The following PTPRT variants were observed in gnomAD, a reference collection of about 807,000 sequenced individuals.
The protein encoded by PTPRT is receptor-type tyrosine-protein phosphatase T.
A neutral mutation model predicts 176.8 loss-of-function variants in PTPRT; 56 were observed. The ratio of observed to expected loss-of-function variants is 0.32; its 90% confidence interval spans 0.26 to 0.40. The LOEUF (loss-of-function observed/expected upper bound fraction) is 0.40. PTPRT is among the 10% of genes least tolerant of loss of function. PTPRT has a pLI of 1.00. For synonymous variants in PTPRT, 783 were observed against 739.0 expected (o/e 1.06, Z -0.96); for missense variants, 1,540 against 1,908.2 (o/e 0.81, Z 3.60).
At chr20:43,165,011 G>T (rs1401645631) in intron 1 of PTPRT, among the ~76,000 whole-genome samples, 1 of 152,114 alleles carries the variant, frequency 6.6e-6, no homozygotes, top group Non-Finnish European at 1.5e-5. Flanking sequence ...TTGAATTGTA[G>T]CTCTCATAAT....
intron 6 of PTPRT, 118 bp from the exon 7 acceptor site, chr20:42,678,277 A>C: frequency 1.1e-6 from 1 of 914,050 alleles, no homozygotes; most frequent in Non-Finnish European, 1.6e-6. Flanking sequence ...ATAGTCAGAA[A>C]CCCCTTTTTG....
chr20:42,055,067 C>T, the PTPRT span, among the ~76,000 whole-genome samples: 1 of 152,104 alleles, frequency 6.6e-6, no homozygotes, highest in Non-Finnish European at 1.5e-5. Context: ...GCACATGTAC[C>T]CTAAAACTTA....
intron 5 of PTPRT, among the ~76,000 whole-genome samples, chr20:42,763,899 G>A (rs780238861): frequency 1.3e-5 from 2 of 152,086 alleles, no homozygotes; most frequent in Non-Finnish European, 2.9e-5. Flanking sequence ...GAGGGACCTG[G>A]CATAAGTCCC....
intron 7 of PTPRT, among the ~76,000 whole-genome samples, chr20:42,595,461 C>A (rs1341303113): frequency 6.6e-6 from 1 of 152,046 alleles, no homozygotes; most frequent in Non-Finnish European, 1.5e-5. Context: ...GAGAGGGTAG[C>A]AAAATGGCCC....
chr20:42,806,214 G>A (rs888047249), intron 2 of PTPRT, among the ~76,000 whole-genome samples: 4 of 151,982 alleles, frequency 2.6e-5, no homozygotes, highest in East Asian at 1.9e-4. Flanking sequence ...GGCCAGGTGC[G>A]GTAGCTCACC....
intron 2 of PTPRT, among the ~76,000 whole-genome samples, chr20:42,827,461 A>G (rs750615325): frequency 3.3e-5 from 5 of 152,194 alleles, no homozygotes; most frequent in Admixed American, 6.5e-5. Context: ...GTTTTGGATA[A>G]AAAAAAGAAA....
At chr20:42,526,956 CTTTTTTTTTTTTTTTTT>C (rs915511549) in intron 7 of PTPRT, among the ~76,000 whole-genome samples, 1 of 78,714 alleles carries the variant, frequency 1.3e-5, no homozygotes, top group Non-Finnish European at 2.3e-5. Flanking sequence ...GTTCTTTTTT[CTTTTTTTTTTTTTTTTT>C]TTTTTTTTGA....
chr20:42,599,075 A>C (rs2073728445), intron 7 of PTPRT, among the ~76,000 whole-genome samples: 1 of 152,178 alleles, frequency 6.6e-6, no homozygotes, highest in Non-Finnish European at 1.5e-5. Context: ...TAGGAGTAAG[A>C]TATTGAGGAC....
At chr20:42,931,071 G>C (rs1442968286) in intron 1 of PTPRT, among the ~76,000 whole-genome samples, 1 of 152,104 alleles carries the variant, frequency 6.6e-6, no homozygotes, top group Non-Finnish European at 1.5e-5. Context: ...CATTAACTTT[G>C]GGTGCCAAGC....
intron 11 of PTPRT, among the ~76,000 whole-genome samples, chr20:42,331,033 T>C (rs2057958004): frequency 2.0e-5 from 3 of 152,212 alleles, no homozygotes; most frequent in South Asian, 4.1e-4. Flanking sequence ...GGTTTTTGTT[T>C]TGTTTTGTTT....
Position 42,770,659 on chromosome 20 carries a change from C to T in PTPRT, c.684+776G>A, listed in dbSNP as rs573495340. Among the ~76,000 whole-genome samples the T allele has an allele frequency of 6.6e-5, 10 of 152,292 alleles. No homozygotes were observed. In the South Asian group the frequency reaches 1.9e-3, roughly 28 times the overall value. On this transcript the variant is annotated intron_variant, in intron 5 of 30. Transcript: ENST00000373187. ...TGAAAAATTCCCATAAAAAGCGACT[C>T]TCTAATTTTACCCAGAAGTACCAGT...
At chr20:42,952,277 A>G (rs1369931395) in intron 1 of PTPRT, among the ~76,000 whole-genome samples, 1 of 152,238 alleles carries the variant, frequency 6.6e-6, no homozygotes, top group Non-Finnish European at 1.5e-5. Context: ...CGCAATCACC[A>G]AAATTGAACT....
chr20:42,157,094 C>T (rs1207546033), intron 17 of PTPRT, among the ~76,000 whole-genome samples: 1 of 152,156 alleles, frequency 6.6e-6, no homozygotes, highest in Non-Finnish European at 1.5e-5. Context: ...CCTCTGCCAC[C>T]CTGGCCTCTT....
At chr20:42,477,502 C>A (rs566072162) in intron 7 of PTPRT, among the ~76,000 whole-genome samples, 2 of 152,294 alleles carry the variant, frequency 1.3e-5, no homozygotes, top group South Asian at 4.1e-4. Flanking sequence ...CTCTAAACCT[C>A]ATCTGCCAAA....
In PTPRT at chr20:42,772,280, T is replaced by C. The variant is rs191657604; in HGVS notation, c.569-730A>G. On this transcript the variant is annotated intron_variant, in intron 4 of 30. Transcript: ENST00000373187. Reference sequence around the variant, plus strand: ...ACTTAACCCAATGCAGTCAGTAGTGTTATTTTCTCTATTACACAGTGAATG... The same window carrying C: ...ACTTAACCCAATGCAGTCAGTAGTGCTATTTTCTCTATTACACAGTGAATG... Among the ~76,000 whole-genome samples the C allele has an allele frequency of 2.1e-3, 323 of 151,806 alleles. 2 individuals are homozygous for C. The highest frequency in any genetic ancestry group is 7.6e-3 in the African/African-American group (314 of 41,154).
chr20:42,870,583 G>T (rs894554949), intron 2 of PTPRT, among the ~76,000 whole-genome samples: 1 of 152,218 alleles, frequency 6.6e-6, no homozygotes. Flanking sequence ...GTCCTAGGTG[G>T]ATAGTTGGCT....
chr20:42,628,498 TTTTC>T (rs761139227), intron 7 of PTPRT, among the ~76,000 whole-genome samples: 16 of 152,142 alleles, frequency 1.1e-4, no homozygotes, highest in Admixed American at 2.6e-4. Flanking sequence ...TGATCCTTCC[TTTTC>T]TTTCTTTTTA....
chr20:42,326,036 C>CAA (rs1479957022), intron 11 of PTPRT, among the ~76,000 whole-genome samples: 1 of 152,184 alleles, frequency 6.6e-6, no homozygotes, highest in Non-Finnish European at 1.5e-5. Context: ...TTTAAAATAG[C>CAA]AACCGAAATC....
chr20:42,113,776 C>T (rs1295592390), intron 22 of PTPRT, among the ~76,000 whole-genome samples: 1 of 152,216 alleles, frequency 6.6e-6, no homozygotes, highest in Non-Finnish European at 1.5e-5. Context: ...TTGCCTCAGG[C>T]TCTGCTTCTA....
Sources: gnomAD v4.1 joint callset for allele counts (sites outside exome capture counted in the v4.1 genomes callset) on GRCh38, gnomAD v4.1.1 for gene constraint, MANE v1.5 for transcripts, NCBI Gene and HGNC (gene_info 2026-07-23, HGNC 2026-07-21) for gene names.